DESI2: variants seen among roughly 807,000 people sequenced by gnomAD.
DESI2 encodes desumoylating isopeptidase 2, also known as deubiquitinase DESI2.
A neutral mutation model predicts 24.1 loss-of-function variants in DESI2; 10 were observed. The ratio of observed to expected loss-of-function variants is 0.41; its 90% CI spans 0.26 to 0.70. The LOEUF (loss-of-function observed/expected upper bound fraction) is 0.70. Ranked by LOEUF, DESI2 falls within the 30% of genes least tolerant of loss-of-function variation. The probability of loss-of-function intolerance (pLI) is 0.29; values close to 1 mark genes in which losing one functional copy is unlikely to be tolerated. For synonymous variants in DESI2, 71 were observed against 87.7 expected, an observed-to-expected ratio of 0.81 and a Z score of 1.06; for missense variants, 122 against 234.9, an observed-to-expected ratio of 0.52 and a Z score of 3.14.
intron 1 of DESI2, chr1:244,653,670 A>C (rs920632392): frequency 8.6e-6 from 4 of 466,514 alleles, no homozygotes; most frequent in African/African-American, 8.1e-5. Flanking sequence ...TCCTTTCGGC[A>C]AAGCTTCCGT....
intron 1 of DESI2, among the ~76,000 whole-genome samples, chr1:244,661,809 T>C (rs1334230577): frequency 3.3e-5 from 5 of 152,238 alleles, no homozygotes; most frequent in Non-Finnish European, 7.3e-5. Flanking sequence ...CAGTCTATCA[T>C]TGATGGACAT....
chr1:244,706,554 C>G lies in DESI2; in HGVS notation c.*765C>G, dbSNP rs1456861723. 6.6e-6 allele frequency: 1 copy of G among 152,626 alleles called. No individual in the cohort carries two copies. Among genetic ancestry groups the G allele is most frequent in the Non-Finnish European group, 1.5e-5 (1 of 68,060 alleles). 9.5% of individuals were successfully genotyped at this position (152,626 alleles called of 1,614,324 possible). A position where few individuals can be genotyped will look rare whatever the true frequency, so the allele number is the denominator to read the frequency against. The stretch of plus-strand genomic sequence containing the variant: ...TCAAGATATTCTTGGTAGTAACTGA[C>G]AAGTATGTTGCACATGTATTGGGGG... On this transcript the variant is annotated 3_prime_UTR_variant, in exon 5 of 5. Transcript: ENST00000302550.
At chr1:244,657,997 G>A (rs1269518829) in intron 1 of DESI2, among the ~76,000 whole-genome samples, 1 of 152,092 alleles carries the variant, frequency 6.6e-6, no homozygotes, top group African/African-American at 2.4e-5. Flanking sequence ...AGTTGGAAAT[G>A]GCAGTTTGAT....
At chr1:244,692,226 A>G (rs534802544) in intron 4 of DESI2, among the ~76,000 whole-genome samples, 2 of 152,224 alleles carry the variant, frequency 1.3e-5, no homozygotes, top group Admixed American at 1.3e-4. Context: ...AATTCTATTC[A>G]TTACTTTGCA....
chr1:244,686,458 C>T (rs1289752860), intron 1 of DESI2, 139 bp from the exon 2 acceptor site: 11 of 605,824 alleles, frequency 1.8e-5, no homozygotes, highest in African/African-American at 3.7e-5. Context: ...GGCAAAGGCA[C>T]AGAGCCACAG....
At chr1:244,679,308 A>C (rs1361545382) in intron 1 of DESI2, among the ~76,000 whole-genome samples, 6 of 152,192 alleles carry the variant, frequency 3.9e-5, no homozygotes, top group African/African-American at 1.4e-4. Flanking sequence ...AGAAACTTAG[A>C]AATGCATCTC....
At chr1:244,702,951 C>T (rs1677530499) in intron 4 of DESI2, among the ~76,000 whole-genome samples, 1 of 151,508 alleles carries the variant, frequency 6.6e-6, no homozygotes, top group Non-Finnish European at 1.5e-5. Context: ...GGCAGATAGC[C>T]CTAATATGTC....
intron 4 of DESI2, among the ~76,000 whole-genome samples, chr1:244,702,919 T>C (rs546267042): frequency 6.6e-6 from 1 of 152,260 alleles, no homozygotes; most frequent in South Asian, 2.1e-4. Flanking sequence ...TAGTCATGAC[T>C]TACATGATTA....
intron 1 of DESI2, among the ~76,000 whole-genome samples, chr1:244,677,116 G>A (rs1418234656): frequency 6.6e-6 from 1 of 151,918 alleles, no homozygotes; most frequent in African/African-American, 2.4e-5. Flanking sequence ...CTGTATTTTG[G>A]AAGAGCTTCT....
intron 4 of DESI2, chr1:244,694,847 G>A (rs1449656185): frequency 2.0e-6 from 1 of 505,156 alleles, no homozygotes; most frequent in Non-Finnish European, 3.5e-6. Context: ...CTGCAGCAAA[G>A]ATTTATGGCC....
intron 1 of DESI2, among the ~76,000 whole-genome samples, chr1:244,657,484 T>G (rs1196626577): frequency 1.3e-5 from 2 of 152,378 alleles, no homozygotes; most frequent in Admixed American, 6.5e-5. Flanking sequence ...ACTTAAATTC[T>G]TCTTTATTAT....
intron 4 of DESI2, among the ~76,000 whole-genome samples, chr1:244,702,218 A>G (rs951339425): frequency 6.6e-6 from 1 of 152,208 alleles, no homozygotes; most frequent in East Asian, 1.9e-4. Flanking sequence ...TCAAAGTTTT[A>G]AAAACATTGG....
rs1324417102 is a variant in DESI2, at chr1:244,708,948, C to T, written c.*3159C>T. 6.6e-6 allele frequency: 1 copy of T among 152,564 alleles called. No homozygotes were observed. The highest frequency in any genetic ancestry group is 1.5e-5 in the Non-Finnish European group (1 of 68,034). The allele number at this position is 152,564 out of a possible 1,614,324, so 9.5% of individuals were successfully genotyped here. On this transcript the variant is annotated 3_prime_UTR_variant, in exon 5 of 5. Coordinates refer to ENST00000302550, the MANE Select transcript of DESI2 (RefSeq NM_016076.5). ...TTTATATCAAAATACCAGGAATCTT[C>T]ACTTTTGCTACCTTGATATAGCATT...
At chr1:244,661,218 G>C (rs34668443) in intron 1 of DESI2, among the ~76,000 whole-genome samples, 39,281 of 151,782 alleles carry the variant, frequency 0.26, 5,113 homozygotes, top group East Asian at 0.36. Context: ...TCTGCTTTCT[G>C]TCTCTGTGCA....
At position 244,653,228 on chromosome 1, in the gene DESI2, C is replaced by A; in HGVS notation, c.-86C>A. On this transcript the variant is annotated 5_prime_UTR_variant, in exon 1 of 5. The change creates a new upstream start codon in the 5' untranslated region. Coordinates refer to ENST00000302550, the MANE Select transcript of DESI2 (RefSeq NM_016076.5). ...ACGCTTAGTGCCCGGCTCAGGCCCCCTGAAGCGCCCGCGGGGGTGAGAGCG... is the reference window on the plus strand; with the variant it reads ...ACGCTTAGTGCCCGGCTCAGGCCCCATGAAGCGCCCGCGGGGGTGAGAGCG... 7.2e-7 allele frequency: 1 copy of A among 1,390,772 alleles called. No homozygotes were observed. The highest frequency in any genetic ancestry group is 9.4e-7 in the Non-Finnish European group (1 of 1,059,204). The allele number at this position is 1,390,772 out of a possible 1,614,324, so 86.2% of individuals were successfully genotyped here.
chr1:244,697,460 G>C (rs747078944), intron 4 of DESI2, among the ~76,000 whole-genome samples: 1 of 139,790 alleles, frequency 7.2e-6, no homozygotes, highest in South Asian at 2.4e-4. Flanking sequence ...CTGGGTGACA[G>C]AGGGAGCCTC....
intron 1 of DESI2, among the ~76,000 whole-genome samples, chr1:244,663,751 G>A (rs1195211009): frequency 6.6e-6 from 1 of 151,886 alleles, no homozygotes; most frequent in Non-Finnish European, 1.5e-5. Context: ...GGGCACGGTG[G>A]CTCACGCCTG....
intron 3 of DESI2, among the ~76,000 whole-genome samples, chr1:244,691,376 G>A (rs910241687): frequency 3.3e-5 from 5 of 152,320 alleles, no homozygotes; most frequent in East Asian, 1.9e-4. Flanking sequence ...GGCGTGAGCC[G>A]CCATACCCGG....
intron 1 of DESI2, among the ~76,000 whole-genome samples, chr1:244,685,843 A>G (rs1214618892): frequency 6.6e-6 from 1 of 152,054 alleles, no homozygotes; most frequent in Non-Finnish European, 1.5e-5. Context: ...AACCCCCTCC[A>G]CTTCACCTTT....
Sources: allele counts gnomAD v4.1 joint callset (sites outside exome capture counted in the v4.1 genomes callset), GRCh38; gene constraint gnomAD v4.1.1; transcripts MANE v1.5; gene names NCBI Gene and HGNC (gene_info 2026-07-23, HGNC 2026-07-21).